SHANK1: variants seen among roughly 807,000 people sequenced by gnomAD.
The protein encoded by SHANK1 is SH3 and multiple ankyrin repeat domains 1, also known as SH3 and multiple ankyrin repeat domains protein 1.
A neutral mutation model predicts 165.6 loss-of-function variants in SHANK1; 35 were observed. That is an observed-to-expected ratio of 0.21 (90% confidence interval 0.16 to 0.28). The LOEUF (loss-of-function observed/expected upper bound fraction) is 0.28. Ranked by LOEUF, SHANK1 falls within the 10% of genes least tolerant of loss-of-function variation. The probability of loss-of-function intolerance (pLI) is 1.00; values close to 1 mark genes in which losing one functional copy is unlikely to be tolerated. For missense variants in SHANK1, 2,681 were observed against 3,036.4 expected (o/e 0.88, Z 2.75); for synonymous variants, 1,428 against 1,384.8 (o/e 1.03, Z -0.69).
Position 50,668,557 on chromosome 19 carries a change from G to A in SHANK1, c.3403C>T (p.Pro1135Ser), listed in dbSNP as rs1985659578. 3 of 1,363,486 alleles carry A rather than the reference G, an allele frequency of 2.2e-6. No individual in the cohort carries two copies. The highest frequency in any genetic ancestry group is 4.1e-5 in the South Asian group (2 of 48,884). The allele number at this position is 1,363,486 out of a possible 1,614,324, so 84.5% of individuals were successfully genotyped here. A position where few individuals can be genotyped will look rare whatever the true frequency, so the allele number is the denominator to read the frequency against. ...GLPPAPSPTSPASPQPPPAVA... is the reference protein window; with the variant it reads ...GLPPAPSPTSSASPQPPPAVA... ...GCGGGCGGCGGCTGCGGGGAGGCCG[G>A]GGACGTGGGCGACGGCGCGGGCGGG... is the stretch of plus-strand genomic sequence containing the variant. Residue 1135 changes from proline to serine, a missense_variant, in exon 23 of 24, where the codon CCG becomes TCG. Transcript: ENST00000293441.
intron 15 of SHANK1, among the ~76,000 whole-genome samples, chr19:50,693,276 T>C (rs1422396390): frequency 7.9e-5 from 6 of 76,314 alleles, no homozygotes; most frequent in African/African-American, 2.7e-4. Context: ...CTCCGAACCC[T>C]CGGTGCTCCA....
rs544083126 is a variant in SHANK1, at chr19:50,690,624, C to T, written c.1965-1345G>A. On this transcript the variant is annotated intron_variant, in intron 15 of 23. Transcript: ENST00000293441. This position sits in a 1 kb window ranked among gnomAD's most constrained non-coding sequence, Gnocchi z 4.9. The stretch of plus-strand genomic sequence containing the variant: ...CCAGATCCCAGTAACATCCATGTGG[C>T]CCTAATACACTCCAATCATAGCCAA... Among the ~76,000 whole-genome samples, 13 of 152,226 alleles carry T rather than the reference C, an allele frequency of 8.5e-5. No individual in the cohort carries two copies. The East Asian group carries it at 2.5e-3, about 29-fold the overall frequency.
rs767454649 is a variant in SHANK1 at position 50,668,579 on chromosome 19, C to T, written c.3381G>A (p.Pro1127=). The change falls in exon 23 of 24, where the codon CCG becomes CCA. Residue 1127 remains proline, a synonymous_variant. Coordinates refer to ENST00000293441, the MANE Select transcript of SHANK1 (RefSeq NM_016148.5). Reference sequence around the variant, plus strand: ...CCGGGGACGTGGGCGACGGCGCGGGCGGGAGGCCGCCGCCCTTCTGGGGCT... The same window carrying T: ...CCGGGGACGTGGGCGACGGCGCGGGTGGGAGGCCGCCGCCCTTCTGGGGCT... The part of the protein sequence containing the change: ...EGEPQKGGGL[P]PAPSPTSPAS... 27 of 1,340,914 alleles carry T rather than the reference C, an allele frequency of 2.0e-5. No individual in the cohort carries two copies. Among genetic ancestry groups the T allele is most frequent in the Non-Finnish European group, 2.3e-5 (24 of 1,044,434 alleles). The allele number at this position is 1,340,914 out of a possible 1,614,324, so 83.1% of individuals were successfully genotyped here. A position where few individuals can be genotyped will look rare whatever the true frequency, so the allele number is the denominator to read the frequency against.
Position 50,661,724 on chromosome 19 carries a change from C to G in SHANK1, c.*241G>C, listed in dbSNP as rs117571695. The stretch of plus-strand genomic sequence containing the variant: ...CCCCTCTGTAATTTCTCCTATCCCC[C>G]CTCCGCTCCCCGCTTCACACACACA... On this transcript the variant is annotated 3_prime_UTR_variant, in exon 24 of 24. Transcript: ENST00000293441. 14 of 507,442 alleles carry G rather than the reference C, an allele frequency of 2.8e-5. No individual in the cohort carries two copies. The East Asian group carries it at 4.0e-4, about 15-fold the overall frequency. 31.4% of individuals were successfully genotyped at this position (507,442 alleles called of 1,614,324 possible).
intron 8 of SHANK1, among the ~76,000 whole-genome samples, chr19:50,707,888 TTTC>T (rs376158644): frequency 0.042 from 1,212 of 28,598 alleles, 34 homozygotes; most frequent in African/African-American, 0.055. Flanking sequence ...TTTCTTTTCT[TTTC>T]TTTTCTTTTC....
chr19:50,662,816 G>A lies in SHANK1; in HGVS notation c.5769-134C>T. 1.1e-6 allele frequency: 1 copy of A among 929,606 alleles called. No individual in the cohort carries two copies. The highest frequency in any genetic ancestry group is 1.6e-5 in the South Asian group (1 of 61,054). The allele number at this position is 929,606 out of a possible 1,614,324, so 57.6% of individuals were successfully genotyped here. On this transcript the variant is annotated intron_variant, in intron 23 of 23. Coordinates refer to ENST00000293441, the MANE Select transcript of SHANK1 (RefSeq NM_016148.5). The surrounding 1 kb of genome is among the most constrained non-coding windows in gnomAD (Gnocchi z 7.7). Reference sequence around the variant, plus strand: ...AGGGTAGGGGGAGAGACGGAGGAGAGACGGGAAGAAATGGAGGGAGCAAGG... The same window carrying A: ...AGGGTAGGGGGAGAGACGGAGGAGAAACGGGAAGAAATGGAGGGAGCAAGG...
chr19:50,689,175 C>T, intron 16 of SHANK1, 22 bp downstream of exon 16: 1 of 1,583,048 alleles, frequency 6.3e-7, no homozygotes, highest in African/African-American at 1.3e-5. Flanking sequence ...CTTCTCCCAT[C>T]CCCTCCCCGG....
At chr19:50,706,727 TA>T (rs34942540) in intron 8 of SHANK1, among the ~76,000 whole-genome samples, 14,878 of 148,126 alleles carry the variant, frequency 0.1, 1,159 homozygotes, top group Admixed American at 0.26. Flanking sequence ...CCATCCTGTC[TA>T]AAAAAAAAAC....
chr19:50,686,240 A>G lies in SHANK1; in HGVS notation c.2574T>C (p.Thr858=). ...GKHRPKGFFA[T]ESSFDPHHRA... ...CTCCCCACACCAGGCCGCCTACCTC[A>G]GTGGCAAAGAAACCTTTGGGTCGGT... Residue 858 remains threonine (T), a synonymous_variant, in exon 21 of 24, where the codon ACT becomes ACC. Transcript: ENST00000293441. The surrounding 1 kb of genome is among the most constrained non-coding windows in gnomAD (Gnocchi z 5.7). 4.4e-6 allele frequency: 7 copies of G among 1,590,306 alleles called. No individual in the cohort carries two copies. Among genetic ancestry groups the G allele is most frequent in the Non-Finnish European group, 6.0e-6 (7 of 1,165,762 alleles).
Position 50,666,383 on chromosome 19 carries a change from C to T in SHANK1, c.5577G>A (p.Gln1859=). ...CTTTTACTGTGGCCAAGGCTGAGGC[C>T]TGAGGCTGGGCCAAGGGCCCGGGCA... ...PPLPGPLAQP[Q]ASALATVKAS... Residue 1859 remains glutamine, a synonymous_variant, in exon 23 of 24, where the codon CAG becomes CAA. Transcript: ENST00000293441. The T allele has an allele frequency of 1.2e-6, 2 of 1,613,606 alleles. No individual in the cohort carries two copies. The highest frequency in any genetic ancestry group is 1.7e-6 in the Non-Finnish European group (2 of 1,179,872).
chr19:50,669,043 G>T lies in SHANK1; in HGVS notation c.2917C>A (p.Pro973Thr). The T allele has an allele frequency of 1.1e-6, 1 of 892,462 alleles. No individual in the cohort carries two copies. The highest frequency in any genetic ancestry group is 1.7e-6 in the Non-Finnish European group (1 of 602,792). 55.3% of individuals were successfully genotyped at this position (892,462 alleles called of 1,614,324 possible). A position where few individuals can be genotyped will look rare whatever the true frequency, so the allele number is the denominator to read the frequency against. Residue 973 changes from proline (P) to threonine (T), a missense_variant, in exon 23 of 24, where the codon CCC (proline) becomes ACC (threonine). Physicochemically the swap from Pro to Thr is conservative, Grantham distance 38. This residue lies in a region of SHANK1 where 1,713 missense variants were observed against 1,630.2 expected (regional missense o/e 1.05). Coordinates refer to ENST00000293441, the MANE Select transcript of SHANK1 (RefSeq NM_016148.5). ...PASSPASFDG[P>T]SPPDTRVGSR... ...CCCACGCGAGTGTCGGGAGGGGAGG[G>T]CCCGTCAAAGGATGCAGGGGAGGAG...
Position 50,686,353 on chromosome 19 carries a change from T to C in SHANK1, c.2461A>G (p.Lys821Glu), listed in dbSNP as rs751227203. The C allele has an allele frequency of 2.5e-6, 4 of 1,587,478 alleles. No individual in the cohort carries two copies. Among genetic ancestry groups the C allele is most frequent in the Non-Finnish European group, 3.4e-6 (4 of 1,165,154 alleles). Residue 821 changes from lysine to glutamate, a missense_variant and splice_region_variant, in exon 21 of 24, where the codon AAA becomes GAA. Around this residue, in one of 10 missense-constraint regions of SHANK1, gnomAD observed 206 missense variants for 216.0 expected, o/e 0.95. Transcript: ENST00000293441. This position sits in a 1 kb window ranked among gnomAD's most constrained non-coding sequence, Gnocchi z 5.7. ...KRTVYQMALN[K>E]LDEILAAAQQ... is the part of the protein sequence containing the mutation. ...GCTGCGGCCAGGATTTCGTCCAGTT[T>C]GTCTAGGGGTAGATGAATGAACAGA...
chr19:50,706,841 G>T (rs762331713), intron 8 of SHANK1, among the ~76,000 whole-genome samples: 1 of 151,758 alleles, frequency 6.6e-6, no homozygotes, highest in Non-Finnish European at 1.5e-5. Context: ...GCAGTGACAC[G>T]ATCTCGGCTC....
rs771197095 is a variant in SHANK1, at chr19:50,667,423, C to G, written c.4537G>C (p.Glu1513Gln). ...PVTSGRGPPS[E>Q]DGPGVPPPSP... ...GGCGGCGGGACCCCCGGCCCGTCCT[C>G]CGAGGGGGGACCCCTTCCGCTCGTC... Residue 1513 changes from glutamate to glutamine, a missense_variant, in exon 23 of 24, where the codon GAG (glutamate) becomes CAG (glutamine). Around this residue, in one of 10 missense-constraint regions of SHANK1, gnomAD observed 1,713 missense variants for 1,630.2 expected, o/e 1.05. Transcript: ENST00000293441. The surrounding 1 kb of genome is among the most constrained non-coding windows in gnomAD (Gnocchi z 5.7). 6.6e-7 allele frequency: 1 copy of G among 1,521,404 alleles called. No homozygotes were observed. The highest frequency in any genetic ancestry group is 8.8e-7 in the Non-Finnish European group (1 of 1,142,022). 94.2% of individuals were successfully genotyped at this position (1,521,404 alleles called of 1,614,324 possible).
At position 50,659,646 on chromosome 19, in the gene SHANK1, G is replaced by T. The variant is rs1318328908; in HGVS notation, c.*2319C>A. Among the ~76,000 whole-genome samples the T allele has an allele frequency of 5.8e-5, 8 of 138,300 alleles. No homozygotes were observed. Among genetic ancestry groups the T allele is most frequent in the African/African-American group, 1.1e-4 (4 of 37,268 alleles). 90.7% of individuals were successfully genotyped at this position (138,300 alleles called of 152,430 possible). On this transcript the variant is annotated 3_prime_UTR_variant, in exon 24 of 24. Coordinates refer to ENST00000293441, the MANE Select transcript of SHANK1 (RefSeq NM_016148.5). ...TTTTTGTGTGTTCTAGGGGTTTTGT[G>T]TTTTTTTTTTCTGTTTTTTATATTT...
In SHANK1 at chr19:50,667,730, G is replaced by C. The variant is rs895520755; in HGVS notation, c.4230C>G (p.Ala1410=). The stretch of plus-strand genomic sequence containing the variant: ...CCCGGCGCGCAGGGTCCGGCGGGGA[G>C]GCCCCCCAGAGACGCAGCACTGGCT... The part of the protein sequence containing the change: ...HHEPVLRLWG[A]SPPDPARREL... Residue 1410 remains alanine, a synonymous_variant, in exon 23 of 24, where the codon GCC becomes GCG. Coordinates refer to ENST00000293441, the MANE Select transcript of SHANK1 (RefSeq NM_016148.5). The surrounding 1 kb of genome is among the most constrained non-coding windows in gnomAD (Gnocchi z 5.7). 3.0e-6 allele frequency: 4 copies of C among 1,331,288 alleles called. No individual in the cohort carries two copies. Among genetic ancestry groups the C allele is most frequent in the South Asian group, 2.1e-5 (1 of 48,764 alleles). The allele number at this position is 1,331,288 out of a possible 1,614,324, so 82.5% of individuals were successfully genotyped here. A position where few individuals can be genotyped will look rare whatever the true frequency, so the allele number is the denominator to read the frequency against.
Position 50,666,583 on chromosome 19 carries a change from C to T in SHANK1, c.5377G>A (p.Gly1793Arg). ...TSPTVSVTGAGTDGLLALRAC... is the reference protein window; with the variant it reads ...TSPTVSVTGARTDGLLALRAC... ...CGCAGGGCCAGCAGCCCATCGGTTC[C>T]AGCCCCTGTCACCGAGACGGTGGGG... is the stretch of plus-strand genomic sequence containing the variant. Residue 1793 changes from glycine to arginine, a missense_variant, in exon 23 of 24, where the codon GGA becomes AGA. By Grantham distance (125) the Gly-to-Arg change is moderately radical. This residue lies in a region of SHANK1 where 1,713 missense variants were observed against 1,630.2 expected (regional missense o/e 1.05). Transcript: ENST00000293441. 6.2e-7 allele frequency: 1 copy of T among 1,600,852 alleles called. No homozygotes were observed. Among genetic ancestry groups the T allele is most frequent in the South Asian group, 1.1e-5 (1 of 89,510 alleles).
chr19:50,692,151 T>C (rs1483392262), intron 15 of SHANK1, among the ~76,000 whole-genome samples: 1 of 152,000 alleles, frequency 6.6e-6, no homozygotes, highest in East Asian at 1.9e-4. Flanking sequence ...AGCACATATA[T>C]CCATCTGCTC....
rs1010483233 is a variant in SHANK1, at chr19:50,716,938, CG to C, written c.-20del. 7.1e-7 allele frequency: 1 copy of C among 1,415,694 alleles called. No homozygotes were observed. The allele number at this position is 1,415,694 out of a possible 1,614,324, so 87.7% of individuals were successfully genotyped here. ...GGGTCATTGTGGGGCCACGGGGCGACGGGGGACGGCAGCATCACAGGCGGCT... is the reference window on the plus strand; with the variant it reads ...GGGTCATTGTGGGGCCACGGGGCGACGGGGACGGCAGCATCACAGGCGGCT... On this transcript the variant is annotated 5_prime_UTR_variant, in exon 2 of 24. Coordinates refer to ENST00000293441, the MANE Select transcript of SHANK1 (RefSeq NM_016148.5). This position sits in a 1 kb window ranked among gnomAD's most constrained non-coding sequence, Gnocchi z 8.4.
Sources: allele counts gnomAD v4.1 joint callset (sites outside exome capture counted in the v4.1 genomes callset), GRCh38; gene constraint gnomAD v4.1.1; regional missense constraint gnomAD v4.1.1; non-coding constraint Gnocchi (gnomAD v3.1); transcripts MANE v1.5; gene names NCBI Gene and HGNC (gene_info 2026-07-23, HGNC 2026-07-21).